HNRNPA2B1: variants seen among roughly 807,000 people sequenced by gnomAD.
The protein encoded by HNRNPA2B1 is heterogeneous nuclear ribonucleoprotein A2/B1.
In HNRNPA2B1, 3 loss-of-function variants were observed where a neutral mutation model predicts 46.3. The ratio of observed to expected loss-of-function variants is 0.06; its 90% CI spans 0.03 to 0.17. The LOEUF (loss-of-function observed/expected upper bound fraction) is 0.17, where lower values mean the gene tolerates loss of function less well. Ranked by LOEUF, HNRNPA2B1 falls within the 10% of genes least tolerant of loss-of-function variation. HNRNPA2B1 has a pLI of 1.00. For missense variants in HNRNPA2B1, 221 were observed against 418.9 expected (o/e 0.53, Z 4.12); for synonymous variants, 225 against 133.8 (o/e 1.68, Z -4.70).
Position 26,196,678 on chromosome 7 carries a change from C to A in HNRNPA2B1, c.476-20G>T, listed in dbSNP as rs374459472. The A allele has an allele frequency of 1.9e-5, 31 of 1,598,372 alleles. No homozygotes were observed. The Admixed American group carries it at 5.2e-4, about 27-fold the overall frequency. ...TCTGCACTGGAATGAAAAATTCAGA[C>A]TCCTTTTAAATTAAATCAACAATAT... is the stretch of plus-strand genomic sequence containing the variant. On this transcript the variant is annotated intron_variant, in intron 4 of 10. Coordinates refer to ENST00000618183, the MANE Select transcript of HNRNPA2B1 (RefSeq NM_002137.4).
At chr7:26,195,625 CTG>C (rs1783494812) in intron 7 of HNRNPA2B1, 2 of 529,760 alleles carry the variant, frequency 3.8e-6, no homozygotes, top group East Asian at 6.7e-5. Flanking sequence ...ATGAGATACT[CTG>C]ATGGTTATCT....
chr7:26,192,708 G>A (rs1017636486), intron 9 of HNRNPA2B1, 131 bp from the exon 10 acceptor site: 2 of 745,062 alleles, frequency 2.7e-6, no homozygotes, highest in Non-Finnish European at 4.6e-6. Context: ...TTTGCAGCCA[G>A]TTAGCAGAAT....
chr7:26,195,606 T>A, intron 7 of HNRNPA2B1: 1 of 497,378 alleles, frequency 2.0e-6, no homozygotes, highest in Non-Finnish European at 3.5e-6. Context: ...TCATTTTGCT[T>A]GAGAAAAGAT....
At position 26,191,314 on chromosome 7, in the gene HNRNPA2B1, TAGCTATGTTA is replaced by T. The variant is rs1163743435; in HGVS notation, c.*1036_*1045del. ...TTTATAAATTGTTAAACTCAATTTATAGCTATGTTAAACTACGTAAGAACCACTATACTGA... is the reference window on the plus strand; with the variant it reads ...TTTATAAATTGTTAAACTCAATTTATAACTACGTAAGAACCACTATACTGA... On this transcript the variant is annotated 3_prime_UTR_variant, in exon 11 of 11. Transcript: ENST00000618183. The T allele has an allele frequency of 6.6e-6, 1 of 152,192 alleles. No individual in the cohort carries two copies. The highest frequency in any genetic ancestry group is 2.4e-5 in the African/African-American group (1 of 41,442). 9.4% of individuals were successfully genotyped at this position (152,192 alleles called of 1,614,324 possible). A position where few individuals can be genotyped will look rare whatever the true frequency, so the allele number is the denominator to read the frequency against.
chr7:26,193,525 A>G, intron 8 of HNRNPA2B1, 50 bp downstream of exon 8: 2 of 1,563,924 alleles, frequency 1.3e-6, no homozygotes, highest in Non-Finnish European at 8.6e-7. Flanking sequence ...AAGTGTTACA[A>G]AGACATTAAT....
intron 1 of HNRNPA2B1, 33 bp from the exon 2 acceptor site, chr7:26,197,765 T>G: frequency 5.6e-6 from 9 of 1,599,062 alleles, no homozygotes; most frequent in Non-Finnish European, 6.8e-6. Context: ...AATTTTTATT[T>G]ACATTTTCCT....
rs902316320 is a variant in HNRNPA2B1 at position 26,196,555 on chromosome 7, ACCT to A, written c.576_577+1del. The A allele has an allele frequency of 1.9e-6, 3 of 1,611,466 alleles. No individual in the cohort carries two copies. Among genetic ancestry groups the A allele is most frequent in the Non-Finnish European group, 2.5e-6 (3 of 1,177,778 alleles). ...ATAAAGAAGAAACAGAATTAAAATT[ACCT>A]CCTCTTCCACTCCTAGAACTCTGAA... On this transcript the variant is annotated splice_donor_variant and coding_sequence_variant, in exon 5 of 11. Transcript: ENST00000618183. LOFTEE classifies it high-confidence loss of function.
Position 26,193,591 on chromosome 7 carries a change from A to G in HNRNPA2B1, c.825T>C (p.Tyr275=), listed in dbSNP as rs777686952. Residue 275 remains tyrosine, a synonymous_variant, in exon 8 of 11, where the codon TAT becomes TAC. Coordinates refer to ENST00000618183, the MANE Select transcript of HNRNPA2B1 (RefSeq NM_002137.4). ...GNQGGGYGGG[Y]DNYGGGNYGS... ...ATTTATTACCTCCTCCATAGTTGTC[A>G]TAACCACCTCCGTAGCCCCCACCCT... 3.1e-6 allele frequency: 5 copies of G among 1,593,724 alleles called. No individual in the cohort carries two copies. Among genetic ancestry groups the G allele is most frequent in the Non-Finnish European group, 4.3e-6 (5 of 1,175,100 alleles).
chr7:26,197,757 T>C, intron 1 of HNRNPA2B1, 25 bp from the exon 2 acceptor site: 4 of 1,600,482 alleles, frequency 2.5e-6, no homozygotes, highest in Non-Finnish European at 3.4e-6. Flanking sequence ...ACCATTTCAA[T>C]TTTTATTTAC....
chr7:26,195,984 C>G, intron 6 of HNRNPA2B1, 75 bp from the exon 7 acceptor site: 1 of 1,518,226 alleles, frequency 6.6e-7, no homozygotes, highest in African/African-American at 1.4e-5. Context: ...TTTCAGTTCT[C>G]TTACTACCTC....
At chr7:26,194,114 G>C (rs1178484625) in intron 7 of HNRNPA2B1, among the ~76,000 whole-genome samples, 9 of 152,138 alleles carry the variant, frequency 5.9e-5, no homozygotes, top group African/African-American at 2.2e-4. Context: ...CAATGTTCTC[G>C]GTTGGGCACA....
intron 7 of HNRNPA2B1, among the ~76,000 whole-genome samples, chr7:26,195,102 A>G (rs1243655051): frequency 6.9e-6 from 1 of 145,772 alleles, no homozygotes; most frequent in African/African-American, 2.6e-5. Flanking sequence ...CAAAAAAAAA[A>G]AAAAAAAAGA....
Position 26,192,380 on chromosome 7 carries a change from GA to G in HNRNPA2B1, c.*22-43del, listed in dbSNP as rs555168454. ...AAAGAGTAAAAAAAAAATAGGTTAT[GA>G]AATTATCCATCTAACCAGATTTTAA... On this transcript the variant is annotated intron_variant, in intron 10 of 10. Coordinates refer to ENST00000618183, the MANE Select transcript of HNRNPA2B1 (RefSeq NM_002137.4). 3.0e-4 allele frequency: 221 copies of G among 731,656 alleles called. No individual in the cohort carries two copies. In the African/African-American group the frequency reaches 3.3e-3, roughly 11 times the overall value. The allele number at this position is 731,656 out of a possible 1,614,324, so 45.3% of individuals were successfully genotyped here.
rs1783653301 is a variant in HNRNPA2B1 at position 26,196,483 on chromosome 7, T to TAC, written c.578-4_578-3dup. On this transcript the variant is annotated splice_region_variant and splice_polypyrimidine_tract_variant and intron_variant, in intron 5 of 10. Coordinates refer to ENST00000618183, the MANE Select transcript of HNRNPA2B1 (RefSeq NM_002137.4). Reference sequence around the variant, plus strand: ...GTGAATCCCCAAAGCCAAAGTTGCCTACAATAAATGCCCCAGTTAGAAGCA... The same window carrying TAC: ...GTGAATCCCCAAAGCCAAAGTTGCCTACACAATAAATGCCCCAGTTAGAAGCA... 1 of 1,614,128 alleles carries TAC rather than the reference T, an allele frequency of 6.2e-7. No individual in the cohort carries two copies. The highest frequency in any genetic ancestry group is 8.5e-7 in the Non-Finnish European group (1 of 1,179,996).
rs765558045 is a variant in HNRNPA2B1 at position 26,200,552 on chromosome 7, A to C, written c.6+20T>G. 2.5e-6 allele frequency: 4 copies of C among 1,612,878 alleles called. No homozygotes were observed. The Admixed American group carries it at 6.7e-5, about 27-fold the overall frequency. On this transcript the variant is annotated intron_variant, in intron 1 of 10. Coordinates refer to ENST00000618183, the MANE Select transcript of HNRNPA2B1 (RefSeq NM_002137.4). ...CTCGCCATGCCCTTTTCAATAACTC[A>C]TTGATTTCAAACCCGTTACCTCCAT...
intron 1 of HNRNPA2B1, chr7:26,200,217 G>GA (rs1784246555): frequency 3.2e-6 from 1 of 310,332 alleles, no homozygotes; most frequent in Admixed American, 4.7e-5. Context: ...GCTGCCCGCC[G>GA]AAACGCTCGC....
rs1432637273 is a variant in HNRNPA2B1, at chr7:26,192,125, T to C, written c.*235A>G. 1.2e-5 allele frequency: 2 copies of C among 161,516 alleles called. No individual in the cohort carries two copies. Among genetic ancestry groups the C allele is most frequent in the African/African-American group, 4.8e-5 (2 of 41,678 alleles). 10.0% of individuals were successfully genotyped at this position (161,516 alleles called of 1,614,324 possible). On this transcript the variant is annotated 3_prime_UTR_variant, in exon 11 of 11. Coordinates refer to ENST00000618183, the MANE Select transcript of HNRNPA2B1 (RefSeq NM_002137.4). ...TAAGAAACTGTCTCAAAGGCATTTT[T>C]TTTTACAATCCTTCCTCCACAGTAA... is the stretch of plus-strand genomic sequence containing the variant.
intron 1 of HNRNPA2B1, chr7:26,198,972 G>C (rs948318648): frequency 2.0e-5 from 3 of 152,006 alleles, no homozygotes; most frequent in South Asian, 4.1e-4. Context: ...AAAAATTAAA[G>C]AAAAAATTAA....
rs547229307 is a variant in HNRNPA2B1 at position 26,194,059 on chromosome 7, G to C, written c.722-365C>G. Among the ~76,000 whole-genome samples, 6 of 152,274 alleles carry C rather than the reference G, an allele frequency of 3.9e-5. No individual in the cohort carries two copies. The South Asian group carries it at 8.3e-4, about 21-fold the overall frequency. ...AGCACTTCCTCCTACTGGCCCAAAA[G>C]ATAAAGTTTCTATTATGTCTCTCTA... On this transcript the variant is annotated intron_variant, in intron 7 of 10. Coordinates refer to ENST00000618183, the MANE Select transcript of HNRNPA2B1 (RefSeq NM_002137.4).
Sources: gnomAD v4.1 joint callset for allele counts (sites outside exome capture counted in the v4.1 genomes callset) on GRCh38, gnomAD v4.1.1 for gene constraint, MANE v1.5 for transcripts, NCBI Gene and HGNC (gene_info 2026-07-23, HGNC 2026-07-21) for gene names.